The following GUCY1A1 variants were observed in gnomAD, a reference collection of about 807,000 sequenced individuals.
GUCY1A1 encodes the protein guanylate cyclase soluble subunit alpha-1.
A neutral mutation model predicts 64.5 loss-of-function variants in GUCY1A1; 48 were observed. The ratio of observed to expected loss-of-function variants is 0.74; its 90% CI spans 0.59 to 0.95. The LOEUF (loss-of-function observed/expected upper bound fraction) is 0.95. Among genes scored for constraint, GUCY1A1 ranks in the 40% least tolerant of loss-of-function variants. GUCY1A1 has a pLI of 0.00. For missense variants in GUCY1A1, 804 were observed against 825.3 expected, an observed-to-expected ratio of 0.97 and a Z score of 0.32; for synonymous variants, 308 against 303.4, an observed-to-expected ratio of 1.02 and a Z score of -0.16.
At chr4:155,675,965 C>T (rs547216577) in intron 2 of GUCY1A1, among the ~76,000 whole-genome samples, 1 of 151,608 alleles carries the variant, frequency 6.6e-6, no homozygotes, top group Admixed American at 6.5e-5. Context: ...CCACTTGGTC[C>T]TGTCCTAAGG....
chr4:155,703,460 T>G (rs896969527), intron 3 of GUCY1A1, among the ~76,000 whole-genome samples: 1 of 152,188 alleles, frequency 6.6e-6, no homozygotes, highest in African/African-American at 2.4e-5. Flanking sequence ...CTGGGGCAGC[T>G]GGGTGTGGAG....
At chr4:155,696,726 C>T in intron 2 of GUCY1A1, 30 bp from the exon 3 acceptor site, 6 of 672,848 alleles carry the variant, frequency 8.9e-6, no homozygotes, top group Admixed American at 2.9e-5. Context: ...AGTCACTCCT[C>T]TTTCTGTTCT....
chr4:155,710,196 T>C (rs1732372800), intron 5 of GUCY1A1, among the ~76,000 whole-genome samples: 2 of 152,318 alleles, frequency 1.3e-5, no homozygotes, highest in South Asian at 4.1e-4. Flanking sequence ...ATTGCTTTTG[T>C]TGTTAACAGA....
intron 2 of GUCY1A1, among the ~76,000 whole-genome samples, chr4:155,693,657 A>G (rs1730046586): frequency 6.6e-6 from 1 of 152,186 alleles, no homozygotes; most frequent in Non-Finnish European, 1.5e-5. Context: ...TATGTAATTT[A>G]ATGAGACTAA....
At chr4:155,686,096 A>T (rs1343984989) in intron 2 of GUCY1A1, among the ~76,000 whole-genome samples, 1 of 152,192 alleles carries the variant, frequency 6.6e-6, no homozygotes, top group Non-Finnish European at 1.5e-5. Context: ...AAATATCTTA[A>T]AGTGAACATG....
chr4:155,713,133 T>G lies in GUCY1A1; in HGVS notation c.1122T>G (p.Val374=), dbSNP rs1441794755. Residue 374 remains valine (V), a synonymous_variant, in exon 7 of 10, where the codon GTT becomes GTG. Transcript: ENST00000506455. ...MDLKGQMIYI[V]ESSAILFLGS... ...TCAAAGGCCAAATGATCTACATTGT[T>G]GAATCCAGTGCAATCTTGTTTTTGG... is the stretch of plus-strand genomic sequence containing the variant. The G allele has an allele frequency of 1.2e-6, 2 of 1,613,464 alleles. No individual in the cohort carries two copies. The highest frequency in any genetic ancestry group is 1.1e-5 in the South Asian group (1 of 91,042).
chr4:155,690,354 G>C (rs754738401), intron 2 of GUCY1A1, among the ~76,000 whole-genome samples: 6 of 151,470 alleles, frequency 4.0e-5, no homozygotes, highest in African/African-American at 1.2e-4. Flanking sequence ...TTCCCCCCAG[G>C]GTCCTGTTTT....
chr4:155,729,284 TCA>T (rs905426196), intron 9 of GUCY1A1, among the ~76,000 whole-genome samples: 2 of 151,834 alleles, frequency 1.3e-5, no homozygotes, highest in Non-Finnish European at 2.9e-5. Flanking sequence ...TATTAAGTTC[TCA>T]TTTGATGGAA....
At chr4:155,692,545 A>G (rs563033133) in intron 2 of GUCY1A1, among the ~76,000 whole-genome samples, 4 of 152,272 alleles carry the variant, frequency 2.6e-5, no homozygotes, top group African/African-American at 9.6e-5. Context: ...CATTTCTCTA[A>G]TGAGCAGTGA....
intron 9 of GUCY1A1, among the ~76,000 whole-genome samples, chr4:155,723,528 G>A (rs1357589940): frequency 6.6e-6 from 1 of 152,046 alleles, no homozygotes; most frequent in African/African-American, 2.4e-5. Flanking sequence ...TAACAAAAGA[G>A]TTTTTCAGAT....
At chr4:155,721,925 G>T in intron 8 of GUCY1A1, 113 bp from the exon 9 acceptor site, 2 of 755,042 alleles carry the variant, frequency 2.6e-6, no homozygotes, top group South Asian at 3.3e-5. Context: ...TGAGGAAAGG[G>T]GTGGTGTCCT....
In GUCY1A1 at chr4:155,735,029, C is replaced by G. The variant is rs1456312096; in HGVS notation, c.*4798C>G. On this transcript the variant is annotated 3_prime_UTR_variant, in exon 10 of 10. Coordinates refer to ENST00000506455, the MANE Select transcript of GUCY1A1 (RefSeq NM_001130682.3). Reference sequence around the variant, plus strand: ...GTAGATCTTTGATGAACTGTTGCTCCTCTTTAAATGTTTCTTTTATTATAT... The same window carrying G: ...GTAGATCTTTGATGAACTGTTGCTCGTCTTTAAATGTTTCTTTTATTATAT... The G allele has an allele frequency of 6.6e-6, 1 of 151,816 alleles. No homozygotes were observed. The highest frequency in any genetic ancestry group is 1.9e-4 in the East Asian group (1 of 5,156). The allele number at this position is 151,816 out of a possible 1,614,324, so 9.4% of individuals were successfully genotyped here. A position where few individuals can be genotyped will look rare whatever the true frequency, so the allele number is the denominator to read the frequency against.
chr4:155,717,380 C>A, intron 8 of GUCY1A1, 78 bp downstream of exon 8: 1 of 1,058,476 alleles, frequency 9.4e-7, no homozygotes, highest in Non-Finnish European at 1.3e-6. Context: ...CATGGTGTAT[C>A]AGTTGGGGGT....
At chr4:155,723,226 G>A (rs1423764616) in intron 9 of GUCY1A1, among the ~76,000 whole-genome samples, 1 of 152,080 alleles carries the variant, frequency 6.6e-6, no homozygotes, top group Non-Finnish European at 1.5e-5. Flanking sequence ...TATCATACAG[G>A]GAAGAATTTA....
At chr4:155,672,547 T>G (rs190581831) in intron 2 of GUCY1A1, among the ~76,000 whole-genome samples, 4 of 152,194 alleles carry the variant, frequency 2.6e-5, no homozygotes, top group African/African-American at 9.6e-5. Context: ...AGAATAGATG[T>G]CAAGTAACTG....
At chr4:155,707,879 G>C (rs1169280003) in intron 4 of GUCY1A1, among the ~76,000 whole-genome samples, 1 of 150,072 alleles carries the variant, frequency 6.7e-6, no homozygotes, top group African/African-American at 2.5e-5. Context: ...GGCCAGGCTA[G>C]AGTGCAGTGG....
chr4:155,710,089 A>G (rs943362848), intron 5 of GUCY1A1, among the ~76,000 whole-genome samples: 6 of 152,130 alleles, frequency 3.9e-5, no homozygotes, highest in African/African-American at 9.7e-5. Context: ...TTCTAGACAA[A>G]ACTGAGTTTC....
At chr4:155,679,866 C>T (rs1349343651) in intron 2 of GUCY1A1, among the ~76,000 whole-genome samples, 2 of 152,106 alleles carry the variant, frequency 1.3e-5, no homozygotes, top group East Asian at 3.9e-4. Context: ...GATTTTATTG[C>T]CTTGACACCT....
chr4:155,683,578 G>T (rs1274717921), intron 2 of GUCY1A1, among the ~76,000 whole-genome samples: 2 of 152,144 alleles, frequency 1.3e-5, no homozygotes, highest in African/African-American at 2.4e-5. Context: ...AATGAGGAAA[G>T]TTATTTAGAA....
Sources: allele counts gnomAD v4.1 joint callset (sites outside exome capture counted in the v4.1 genomes callset), GRCh38; gene constraint gnomAD v4.1.1; transcripts MANE v1.5; gene names NCBI Gene and HGNC (gene_info 2026-07-23, HGNC 2026-07-21).